KDM7A: variants seen among roughly 807,000 people sequenced by gnomAD.
The protein encoded by KDM7A is lysine-specific demethylase 7A.
A neutral mutation model predicts 114.8 loss-of-function variants in KDM7A; 28 were observed. The ratio of observed to expected loss-of-function variants is 0.24; its 90% CI spans 0.18 to 0.33. KDM7A has a LOEUF of 0.33. Among genes scored for constraint, KDM7A ranks in the 10% least tolerant of loss-of-function variants. The probability of loss-of-function intolerance (pLI) is 1.00; values close to 1 mark genes in which losing one functional copy is unlikely to be tolerated. For missense variants in KDM7A, 942 were observed against 1,142.5 expected (o/e 0.82, Z 2.53); for synonymous variants, 423 against 397.8 (o/e 1.06, Z -0.75).
rs1045264993 is a variant in KDM7A, at chr7:140,129,560, T to C, written c.492A>G (p.Lys164=). The stretch of plus-strand genomic sequence containing the variant: ...GGAGCCTGAGTCCTAGATCATCTAA[T>C]TTTGGGACCATAATAGGGACATCAA... The part of the protein sequence containing the change: ...HGFDVPIMVP[K]LDDLGLRLPS... Residue 164 remains lysine (K), a synonymous_variant, in exon 4 of 20, where the codon AAA becomes AAG. Coordinates refer to ENST00000397560, the MANE Select transcript of KDM7A (RefSeq NM_030647.2). The C allele has an allele frequency of 1.8e-5, 29 of 1,612,974 alleles. No individual in the cohort carries two copies. The highest frequency in any genetic ancestry group is 1.5e-4 in the Admixed American group (9 of 59,990).
At position 140,096,565 on chromosome 7, in the gene KDM7A, T is replaced by C. The variant is rs959455281; in HGVS notation, c.2364A>G (p.Pro788=). The C allele has an allele frequency of 3.7e-6, 6 of 1,613,252 alleles. No homozygotes were observed. The African/African-American group carries it at 6.7e-5, about 18-fold the overall frequency. ...ATTTATGTTTCTTACCACATTCCACTGGTTTATCATAGCGATACAACTGCC... is the reference window on the plus strand; with the variant it reads ...ATTTATGTTTCTTACCACATTCCACCGGTTTATCATAGCGATACAACTGCC... ...EVRQLYRYDK[P]VECGYHVKTE... is the part of the protein sequence containing the mutation. Residue 788 remains proline, a synonymous_variant, in exon 17 of 20, where the codon CCA becomes CCG. Coordinates refer to ENST00000397560, the MANE Select transcript of KDM7A (RefSeq NM_030647.2).
chr7:140,110,625 T>C (rs897223929), intron 11 of KDM7A, among the ~76,000 whole-genome samples: 2 of 152,168 alleles, frequency 1.3e-5, no homozygotes, highest in East Asian at 3.9e-4. Flanking sequence ...AATTAAAACA[T>C]CTCATCAGAT....
chr7:140,133,913 A>G (rs957129453), intron 2 of KDM7A, among the ~76,000 whole-genome samples: 35 of 152,212 alleles, frequency 2.3e-4, no homozygotes, highest in African/African-American at 8.2e-4. Context: ...AAATCAGCAG[A>G]TGGAGCCTTT....
chr7:140,092,519 T>C (rs1818038567), intron 18 of KDM7A, among the ~76,000 whole-genome samples: 1 of 152,206 alleles, frequency 6.6e-6, no homozygotes, highest in Non-Finnish European at 1.5e-5. Flanking sequence ...TAGGAAATCC[T>C]TAGATCCAGA....
chr7:140,117,888 C>T (rs1211838199), intron 9 of KDM7A, among the ~76,000 whole-genome samples: 1 of 152,204 alleles, frequency 6.6e-6, no homozygotes, highest in Non-Finnish European at 1.5e-5. Flanking sequence ...CCTTCTCATG[C>T]ATGGGATTCT....
intron 4 of KDM7A, among the ~76,000 whole-genome samples, chr7:140,128,172 C>T (rs1818735292): frequency 6.6e-6 from 1 of 152,158 alleles, no homozygotes; most frequent in South Asian, 2.1e-4. Flanking sequence ...GTACCAGTGT[C>T]CGAAGGCCTG....
At chr7:140,161,258 G>A (rs1408947214) in intron 1 of KDM7A, among the ~76,000 whole-genome samples, 1 of 152,220 alleles carries the variant, frequency 6.6e-6, no homozygotes, top group African/African-American at 2.4e-5. Context: ...AAAAACCCAT[G>A]AACCCACAAA....
At chr7:140,153,766 G>A (rs1308140973) in intron 1 of KDM7A, among the ~76,000 whole-genome samples, 1 of 152,232 alleles carries the variant, frequency 6.6e-6, no homozygotes, top group Non-Finnish European at 1.5e-5. Context: ...GGCAGTGGCA[G>A]CGTTCCCACT....
intron 1 of KDM7A, among the ~76,000 whole-genome samples, chr7:140,170,283 A>G (rs1794624176): frequency 6.6e-6 from 1 of 152,216 alleles, no homozygotes; most frequent in African/African-American, 2.4e-5. Context: ...TATTTTACAT[A>G]TTTACATTAA....
intron 1 of KDM7A, among the ~76,000 whole-genome samples, chr7:140,148,377 GTTTTT>G (rs1313909597): frequency 2.0e-5 from 3 of 149,758 alleles, no homozygotes; most frequent in Non-Finnish European, 4.4e-5. Flanking sequence ...TACTTTACCT[GTTTTT>G]TGTTTTGTTT....
At chr7:140,112,661 T>C (rs1237929148) in intron 10 of KDM7A, among the ~76,000 whole-genome samples, 2 of 151,688 alleles carry the variant, frequency 1.3e-5, no homozygotes, top group East Asian at 1.9e-4. Context: ...AGCTCACATA[T>C]GTATGTATCA....
Position 140,085,939 on chromosome 7 carries a change from A to C in KDM7A, c.*5155T>G, listed in dbSNP as rs894634823. 2 of 152,226 alleles carry C rather than the reference A, an allele frequency of 1.3e-5. No homozygotes were observed. The highest frequency in any genetic ancestry group is 1.5e-5 in the Non-Finnish European group (1 of 68,042). 9.4% of individuals were successfully genotyped at this position (152,226 alleles called of 1,614,324 possible). On this transcript the variant is annotated 3_prime_UTR_variant, in exon 20 of 20. Coordinates refer to ENST00000397560, the MANE Select transcript of KDM7A (RefSeq NM_030647.2). ...CCAAAATACACCAAAGAAATATGAGAGTATGTCTGGGTTATTTTATGCCTG... is the reference window on the plus strand; with the variant it reads ...CCAAAATACACCAAAGAAATATGAGCGTATGTCTGGGTTATTTTATGCCTG...
rs1436460808 is a variant in KDM7A at position 140,098,937 on chromosome 7, T to C, written c.1860A>G (p.Ile620Met). 1 of 1,613,854 alleles carries C rather than the reference T, an allele frequency of 6.2e-7. No individual in the cohort carries two copies. The change falls in exon 14 of 20, where the codon ATA becomes ATG. Residue 620 changes from isoleucine to methionine, a missense_variant. Ile to Met is a conservative substitution (Grantham distance 10). Transcript: ENST00000397560. ...CTCCCTCTACTCCTGAACTCTCTTC[T>C]ATCTTCATTTTTGCCTTTTTTGTCC... Reference protein sequence around the residue: ...KRRTKKAKMKIEESSGVEGVE... With the variant: ...KRRTKKAKMKMEESSGVEGVE...
At chr7:140,156,058 G>A (rs1794454539) in intron 1 of KDM7A, among the ~76,000 whole-genome samples, 1 of 152,258 alleles carries the variant, frequency 6.6e-6, no homozygotes, top group South Asian at 2.1e-4. Context: ...TCATGCTAAA[G>A]GTTACTTACC....
intron 1 of KDM7A, among the ~76,000 whole-genome samples, chr7:140,170,307 G>C (rs1156483353): frequency 6.6e-6 from 1 of 152,080 alleles, no homozygotes; most frequent in East Asian, 1.9e-4. Flanking sequence ...AAATAATTTT[G>C]ATTTAAAAAA....
intron 1 of KDM7A, among the ~76,000 whole-genome samples, chr7:140,151,320 TTTAA>T (rs761595117): frequency 8.5e-5 from 13 of 152,196 alleles, no homozygotes; most frequent in Non-Finnish European, 1.6e-4. Context: ...ATGGGTAATA[TTTAA>T]TTCAGAATTT....
intron 1 of KDM7A, among the ~76,000 whole-genome samples, chr7:140,152,186 C>G (rs1423742356): frequency 6.6e-6 from 1 of 152,172 alleles, no homozygotes; most frequent in Non-Finnish European, 1.5e-5. Flanking sequence ...AGGCAACATT[C>G]TAAGGAGAAC....
At chr7:140,115,603 G>C (rs888489997) in intron 9 of KDM7A, among the ~76,000 whole-genome samples, 5 of 151,850 alleles carry the variant, frequency 3.3e-5, no homozygotes, top group Admixed American at 6.6e-5. Flanking sequence ...TAGCATGCTC[G>C]TTAAGAGTCA....
At chr7:140,096,005 T>C (rs1818103008) in intron 17 of KDM7A, among the ~76,000 whole-genome samples, 1 of 152,176 alleles carries the variant, frequency 6.6e-6, no homozygotes, top group Non-Finnish European at 1.5e-5. Context: ...TTTAATATAG[T>C]ACTATCTTCT....
Sources: allele counts gnomAD v4.1 joint callset (sites outside exome capture counted in the v4.1 genomes callset), GRCh38; gene constraint gnomAD v4.1.1; transcripts MANE v1.5; gene names NCBI Gene and HGNC (gene_info 2026-07-23, HGNC 2026-07-21).